The following RFX3 variants were observed in gnomAD, a reference collection of about 807,000 sequenced individuals.
The protein encoded by RFX3 is regulatory factor X3.
Under a neutral mutation model 98.6 loss-of-function variants are expected in RFX3, and 14 were observed. The ratio of observed to expected loss-of-function variants is 0.14; its 90% confidence interval spans 0.09 to 0.22. The LOEUF is 0.22. RFX3 is among the 10% of genes least tolerant of loss of function. The pLI is 1.00. For missense variants in RFX3, 639 were observed against 926.9 expected (o/e 0.69, Z 4.03); for synonymous variants, 383 against 328.4 (o/e 1.17, Z -1.80).
At chr9:3,396,044 C>CTT (rs869233621) in intron 1 of RFX3, among the ~76,000 whole-genome samples, 2 of 143,986 alleles carry the variant, frequency 1.4e-5, no homozygotes, top group Non-Finnish European at 3.1e-5. Flanking sequence ...TAAATCATTT[C>CTT]TTTTTTTTTT....
chr9:3,504,809 A>C (rs1170655642), intron 1 of RFX3, among the ~76,000 whole-genome samples: 1 of 101,092 alleles, frequency 9.9e-6, no homozygotes, highest in South Asian at 2.8e-4. Flanking sequence ...ATTATATATA[A>C]AATATATATT....
chr9:3,345,273 G>A (rs139248950), intron 3 of RFX3, among the ~76,000 whole-genome samples: 1 of 152,236 alleles, frequency 6.6e-6, no homozygotes, highest in Non-Finnish European at 1.5e-5. Flanking sequence ...TATTTCAGCA[G>A]AGAAAACGGC....
At chr9:3,324,243 T>A in intron 4 of RFX3, 1 of 205,860 alleles carries the variant, frequency 4.9e-6, no homozygotes, top group East Asian at 1.0e-4. Flanking sequence ...TAGAAATTAC[T>A]GTTTTGTCAC....
intron 4 of RFX3, among the ~76,000 whole-genome samples, chr9:3,304,602 A>T (rs772655527): frequency 1.3e-5 from 2 of 151,958 alleles, no homozygotes; most frequent in African/African-American, 4.8e-5. Context: ...GGTTTCCCCA[A>T]TACTGTTCTT....
intron 4 of RFX3, among the ~76,000 whole-genome samples, chr9:3,302,596 T>A (rs531064124): frequency 4.0e-4 from 60 of 151,848 alleles, no homozygotes; most frequent in Admixed American, 7.2e-4. Flanking sequence ...AACAGTCTGA[T>A]TACATCAACA....
intron 1 of RFX3, among the ~76,000 whole-genome samples, chr9:3,497,035 A>G (rs1179699060): frequency 1.3e-5 from 2 of 151,982 alleles, no homozygotes; most frequent in African/African-American, 4.8e-5. Flanking sequence ...ATCTTCCCAC[A>G]AATCTGCTTC....
chr9:3,258,035 C>T (rs1251977430), intron 13 of RFX3, among the ~76,000 whole-genome samples: 1 of 152,134 alleles, frequency 6.6e-6, no homozygotes, highest in Non-Finnish European at 1.5e-5. Context: ...AACCTATTCA[C>T]TCAAGGCAAA....
At chr9:3,256,591 T>C (rs941311125) in intron 14 of RFX3, among the ~76,000 whole-genome samples, 1 of 152,180 alleles carries the variant, frequency 6.6e-6, no homozygotes, top group Non-Finnish European at 1.5e-5. Context: ...GACCACATTC[T>C]GAACATCACT....
chr9:3,357,512 G>C (rs1170683153), intron 2 of RFX3, among the ~76,000 whole-genome samples: 1 of 151,880 alleles, frequency 6.6e-6, no homozygotes, highest in African/African-American at 2.4e-5. Flanking sequence ...AAAATTTGTG[G>C]CACGCAGGAA....
chr9:3,424,656 G>A (rs528468163), intron 1 of RFX3, among the ~76,000 whole-genome samples: 5 of 151,960 alleles, frequency 3.3e-5, no homozygotes, highest in South Asian at 4.2e-4. Flanking sequence ...CACCGCGCCC[G>A]GCCCATAATT....
chr9:3,364,021 G>A (rs1587324794), intron 2 of RFX3, among the ~76,000 whole-genome samples: 1 of 152,182 alleles, frequency 6.6e-6, no homozygotes, highest in South Asian at 2.1e-4. Context: ...GACCACAGGT[G>A]TGTGCTGCCA....
intron 3 of RFX3, among the ~76,000 whole-genome samples, chr9:3,331,776 A>T (rs1053162855): frequency 6.6e-6 from 1 of 152,152 alleles, no homozygotes. Flanking sequence ...TACCACATAA[A>T]GTACTGTATT....
At chr9:3,496,834 T>TA (rs1482889735) in intron 1 of RFX3, among the ~76,000 whole-genome samples, 3 of 151,894 alleles carry the variant, frequency 2.0e-5, no homozygotes, top group African/African-American at 7.3e-5. Flanking sequence ...TGCATCAGAT[T>TA]AAAAAAATTA....
intron 4 of RFX3, among the ~76,000 whole-genome samples, chr9:3,312,179 T>A (rs1014925772): frequency 6.6e-6 from 1 of 152,208 alleles, no homozygotes; most frequent in Non-Finnish European, 1.5e-5. Context: ...TATGTATACA[T>A]GTACATGTAT....
intron 3 of RFX3, among the ~76,000 whole-genome samples, chr9:3,331,041 C>T (rs1832542923): frequency 1.3e-5 from 2 of 152,090 alleles, no homozygotes; most frequent in Admixed American, 6.5e-5. Context: ...AGTTTACTCA[C>T]CCTGGACCCT....
chr9:3,262,973 G>C lies in RFX3; in HGVS notation c.1567C>G (p.Leu523Val). The C allele has an allele frequency of 6.2e-7, 1 of 1,613,812 alleles. No individual in the cohort carries two copies. The highest frequency in any genetic ancestry group is 8.5e-7 in the Non-Finnish European group (1 of 1,179,758). ...LQNTSQINQM[L>V]SDLNRVDFAN... ...AAGTCGACACGGTTGAGGTCACTAA[G>C]CATCTGGTTGATTTGGGAAGTGTTC... The change falls in exon 13 of 17, where the codon CTT (leucine) becomes GTT (valine). Residue 523 changes from leucine to valine, a missense_variant. Physicochemically the swap from Leu to Val is conservative, Grantham distance 32 (BLOSUM62 1). This residue lies in a region of RFX3 where 138 missense variants were observed against 308.9 expected (regional missense o/e 0.45). Transcript: ENST00000617270.
At chr9:3,503,834 G>A (rs1816314558) in intron 1 of RFX3, among the ~76,000 whole-genome samples, 1 of 151,920 alleles carries the variant, frequency 6.6e-6, no homozygotes, top group Non-Finnish European at 1.5e-5. Context: ...TATCACAGAA[G>A]CCATCATATG....
chr9:3,433,140 T>C (rs1442056930), intron 1 of RFX3, among the ~76,000 whole-genome samples: 1 of 152,130 alleles, frequency 6.6e-6, no homozygotes, highest in Non-Finnish European at 1.5e-5. Flanking sequence ...TTTATCTGCA[T>C]TTGGTTGAAA....
At chr9:3,484,323 T>C (rs766908820) in intron 1 of RFX3, among the ~76,000 whole-genome samples, 1 of 152,202 alleles carries the variant, frequency 6.6e-6, no homozygotes, top group Non-Finnish European at 1.5e-5. Context: ...TAGCACTTAA[T>C]AAATACTAGT....
Sources: allele counts gnomAD v4.1 joint callset (sites outside exome capture counted in the v4.1 genomes callset), GRCh38; gene constraint gnomAD v4.1.1; regional missense constraint gnomAD v4.1.1; transcripts MANE v1.5; gene names NCBI Gene and HGNC (gene_info 2026-07-23, HGNC 2026-07-21).